Variants in NOL4L observed in about 807,000 individuals in gnomAD.
NOL4L encodes nucleolar protein 4 like.
NOL4L carries 7 observed loss-of-function variants against 64.5 expected under a neutral mutation model. That is an observed-to-expected ratio of 0.11 (90% CI 0.06 to 0.20). The LOEUF (loss-of-function observed/expected upper bound fraction) is 0.20, where lower values mean the gene tolerates loss of function less well. NOL4L is among the 10% of genes least tolerant of loss of function. The probability of loss-of-function intolerance (pLI) is 1.00; values close to 1 mark genes in which losing one functional copy is unlikely to be tolerated. For missense variants in NOL4L, 680 were observed against 967.1 expected (o/e 0.70, Z 3.94); for synonymous variants, 413 against 401.0 (o/e 1.03, Z -0.36).
intron 1 of NOL4L, chr20:32,561,315 C>T (rs1979003144): frequency 2.6e-5 from 4 of 152,264 alleles, no homozygotes; most frequent in Admixed American, 2.6e-4. Flanking sequence ...AGTCAGCGCT[C>T]CACGGGCGGC....
chr20:32,475,338 G>A (rs2015319929), intron 4 of NOL4L: 3 of 985,474 alleles, frequency 3.0e-6, no homozygotes, highest in Non-Finnish European at 3.6e-6. Context: ...GGGCTGAAAG[G>A]GCCAGCCCCA....
At chr20:32,516,540 G>T (rs995555135) in intron 3 of NOL4L, among the ~76,000 whole-genome samples, 1 of 152,148 alleles carries the variant, frequency 6.6e-6, no homozygotes, top group Non-Finnish European at 1.5e-5. Context: ...TGGGACTCAC[G>T]AACTATTGCT....
intron 1 of NOL4L, chr20:32,532,450 G>T: frequency 1.2e-6 from 1 of 806,834 alleles, no homozygotes; most frequent in Non-Finnish European, 1.5e-6. Flanking sequence ...TCCGACAGTA[G>T]TCACGTGCCG....
intron 4 of NOL4L, among the ~76,000 whole-genome samples, chr20:32,480,906 C>T (rs2015673781): frequency 6.6e-6 from 1 of 152,298 alleles, no homozygotes. Context: ...GCCAGCCTTC[C>T]AGCACTCCCT....
At chr20:32,455,777 C>A (rs1325860477) in intron 6 of NOL4L, among the ~76,000 whole-genome samples, 1 of 152,216 alleles carries the variant, frequency 6.6e-6, no homozygotes, top group African/African-American at 2.4e-5. Flanking sequence ...CCTGGCTGTG[C>A]CGAAAGTGGC....
At chr20:32,481,711 A>G (rs892017932) in intron 4 of NOL4L, among the ~76,000 whole-genome samples, 4 of 152,212 alleles carry the variant, frequency 2.6e-5, no homozygotes, top group Non-Finnish European at 5.9e-5. Flanking sequence ...GATATTATTC[A>G]AGGACACATT....
At chr20:32,457,976 C>T (rs1040669738) in intron 5 of NOL4L, among the ~76,000 whole-genome samples, 9 of 152,236 alleles carry the variant, frequency 5.9e-5, no homozygotes, top group African/African-American at 1.9e-4. Context: ...GCCAGACCTC[C>T]TGGGGGACAG....
At chr20:32,507,419 A>T (rs567968209) in intron 4 of NOL4L, among the ~76,000 whole-genome samples, 2 of 152,264 alleles carry the variant, frequency 1.3e-5, no homozygotes, top group Admixed American at 1.3e-4. Context: ...TTCAAGAAGA[A>T]TCTTTCTTCT....
chr20:32,462,903 T>TAAA lies in NOL4L; in HGVS notation c.842-6511_842-6509dup, dbSNP rs564168973. On this transcript the variant is annotated intron_variant, in intron 5 of 10. Transcript: ENST00000621426. The stretch of plus-strand genomic sequence containing the variant: ...CTGGCGACAAAGCGAGACTCTGTCT[T>TAAA]AAAAAAAAAAAAAAAAAAAACTGAT... 2.1e-3 allele frequency among the ~76,000 whole-genome samples: 164 copies of TAAA among 76,650 alleles called. 4 individuals are homozygous for TAAA. Among genetic ancestry groups the TAAA allele is most frequent in the East Asian group, 9.0e-3 (6 of 666 alleles). The allele number at this position is 76,650 out of a possible 152,430, so 50.3% of individuals were successfully genotyped here. A position where few individuals can be genotyped will look rare whatever the true frequency, so the allele number is the denominator to read the frequency against.
chr20:32,551,433 T>A (rs377079355), intron 1 of NOL4L, among the ~76,000 whole-genome samples: 2 of 152,140 alleles, frequency 1.3e-5, no homozygotes, highest in East Asian at 3.8e-4. Context: ...CATCCTCATC[T>A]CATGGGACCA....
chr20:32,548,777 T>C (rs1237291474), intron 1 of NOL4L: 1 of 433,866 alleles, frequency 2.3e-6, no homozygotes, highest in Non-Finnish European at 4.6e-6. Flanking sequence ...TATTCAGGGA[T>C]GTTCACTGAA....
intron 4 of NOL4L, among the ~76,000 whole-genome samples, chr20:32,488,849 T>C (rs1441856108): frequency 2.0e-4 from 19 of 97,334 alleles, no homozygotes; most frequent in African/African-American, 3.2e-4. Flanking sequence ...CTTTCTTTCT[T>C]TCTTTCTTTC....
chr20:32,538,779 C>T lies in NOL4L; in HGVS notation c.322-10866G>A, dbSNP rs118164820. Among the ~76,000 whole-genome samples the T allele has an allele frequency of 3.4e-4, 52 of 152,304 alleles. No individual in the cohort carries two copies. In the East Asian group the frequency reaches 7.1e-3, roughly 21 times the overall value. Reference sequence around the variant, plus strand: ...GGGGGAGGCAGCGGCAGGCGGGTGCCGTCAGAGGCCAGGGCGTCGCTCCCG... The same window carrying T: ...GGGGGAGGCAGCGGCAGGCGGGTGCTGTCAGAGGCCAGGGCGTCGCTCCCG... On this transcript the variant is annotated intron_variant, in intron 1 of 10. Transcript: ENST00000621426.
At chr20:32,500,683 G>C (rs1004967370) in intron 4 of NOL4L, among the ~76,000 whole-genome samples, 2 of 151,916 alleles carry the variant, frequency 1.3e-5, no homozygotes, top group African/African-American at 4.8e-5. Context: ...GATTGGGGCA[G>C]GAAATATGCA....
chr20:32,549,264 G>A (rs2018768553), intron 1 of NOL4L, among the ~76,000 whole-genome samples: 1 of 152,070 alleles, frequency 6.6e-6, no homozygotes, highest in Admixed American at 6.6e-5. Context: ...AAACTCAATG[G>A]TAAAATGACA....
chr20:32,476,122 A>T (rs1050280377), intron 4 of NOL4L, among the ~76,000 whole-genome samples: 1 of 151,672 alleles, frequency 6.6e-6, no homozygotes, highest in Non-Finnish European at 1.5e-5. Context: ...TCCCTCCCAC[A>T]GGCTGCCTGC....
chr20:32,449,934 G>C (rs2012714030), intron 10 of NOL4L: 1 of 152,422 alleles, frequency 6.6e-6, no homozygotes, highest in Non-Finnish European at 1.5e-5. Flanking sequence ...TCCTGTTCAT[G>C]CCTGTGCTCA....
At chr20:32,465,917 C>T (rs555294531) in intron 5 of NOL4L, among the ~76,000 whole-genome samples, 5 of 151,390 alleles carry the variant, frequency 3.3e-5, no homozygotes, top group South Asian at 4.2e-4. Flanking sequence ...GGGGTGGTGG[C>T]GAAGGGCAAG....
chr20:32,501,926 C>A (rs1411568212), intron 4 of NOL4L, among the ~76,000 whole-genome samples: 1 of 152,120 alleles, frequency 6.6e-6, no homozygotes, highest in Non-Finnish European at 1.5e-5. Context: ...GAAATGTAAT[C>A]ATAGCATATG....
Sources: gnomAD v4.1 joint callset for allele counts (sites outside exome capture counted in the v4.1 genomes callset) on GRCh38, gnomAD v4.1.1 for gene constraint, MANE v1.5 for transcripts, NCBI Gene and HGNC (gene_info 2026-07-23, HGNC 2026-07-21) for gene names.